DENND1B: variants seen among roughly 807,000 people sequenced by gnomAD.
DENND1B encodes the protein DENN domain-containing protein 1B.
In DENND1B, 59 loss-of-function variants were observed where a neutral mutation model predicts 90.1. The ratio of observed to expected loss-of-function variants is 0.65; its 90% confidence interval spans 0.53 to 0.81. DENND1B has a LOEUF of 0.81. DENND1B is among the 40% of genes least tolerant of loss of function. DENND1B has a pLI of 0.00. For synonymous variants in DENND1B, 337 were observed against 324.6 expected, an observed-to-expected ratio of 1.04 and a Z score of -0.41; for missense variants, 862 against 912.6, an observed-to-expected ratio of 0.94 and a Z score of 0.71.
intron 10 of DENND1B, among the ~76,000 whole-genome samples, chr1:197,640,153 T>C (rs1680144548): frequency 6.6e-6 from 1 of 152,210 alleles, no homozygotes; most frequent in Admixed American, 6.5e-5. Flanking sequence ...ATTTTTACTC[T>C]AACTGCAGAT....
intron 12 of DENND1B, among the ~76,000 whole-genome samples, chr1:197,611,029 A>AT (rs1409664555): frequency 3.3e-5 from 5 of 150,782 alleles, no homozygotes; most frequent in Admixed American, 2.0e-4. Flanking sequence ...GTTTTAAAAT[A>AT]TATCAACAGA....
intron 2 of DENND1B, among the ~76,000 whole-genome samples, chr1:197,753,278 T>C (rs1316633721): frequency 6.6e-6 from 1 of 152,002 alleles, no homozygotes; most frequent in Non-Finnish European, 1.5e-5. Flanking sequence ...CCAACTTTTC[T>C]AATTAATCGA....
At chr1:197,734,230 T>C (rs1662421442) in intron 2 of DENND1B, 1 of 896,380 alleles carries the variant, frequency 1.1e-6, no homozygotes, top group Non-Finnish European at 1.3e-6. Flanking sequence ...GAAAAGAGTA[T>C]ATAAACCAAA....
At chr1:197,636,181 T>C (rs768767205) in intron 10 of DENND1B, among the ~76,000 whole-genome samples, 1 of 151,960 alleles carries the variant, frequency 6.6e-6, no homozygotes, top group Non-Finnish European at 1.5e-5. Flanking sequence ...AGGATGAATC[T>C]AAAAGATGAG....
intron 2 of DENND1B, among the ~76,000 whole-genome samples, chr1:197,719,830 T>C (rs750347670): frequency 1.3e-5 from 2 of 152,190 alleles, no homozygotes; most frequent in Non-Finnish European, 2.9e-5. Context: ...TTATATATTA[T>C]ACCAAATGAT....
chr1:197,677,963 A>G (rs1656264375), intron 3 of DENND1B, among the ~76,000 whole-genome samples: 1 of 152,188 alleles, frequency 6.6e-6, no homozygotes, highest in Non-Finnish European at 1.5e-5. Context: ...TCATGAAGAT[A>G]CAGCAGTGTT....
At chr1:197,672,208 C>A in intron 4 of DENND1B, 52 bp from the exon 5 acceptor site, 3 of 1,526,936 alleles carry the variant, frequency 2.0e-6, no homozygotes, top group Admixed American at 2.2e-5. Context: ...CAATTTTCTT[C>A]AAGAAAAACA....
chr1:197,607,037 CAT>C (rs771012272), intron 13 of DENND1B, 34 bp downstream of exon 13: 29 of 1,471,592 alleles, frequency 2.0e-5, no homozygotes, highest in African/African-American at 8.4e-5. Flanking sequence ...CAGGAGAAAA[CAT>C]ATATGTTCAC....
intron 10 of DENND1B, among the ~76,000 whole-genome samples, chr1:197,621,061 T>C (rs1678113415): frequency 6.6e-6 from 1 of 151,182 alleles, no homozygotes; most frequent in African/African-American, 2.4e-5. Context: ...GGTGAGAACA[T>C]GCTTGGCATC....
chr1:197,529,324 G>A (rs973956712), intron 20 of DENND1B, among the ~76,000 whole-genome samples: 5 of 147,556 alleles, frequency 3.4e-5, no homozygotes, highest in Admixed American at 2.0e-4. Flanking sequence ...ATATATGTGT[G>A]TATATATATG....
intron 10 of DENND1B, among the ~76,000 whole-genome samples, chr1:197,624,227 G>A (rs538002421): frequency 6.6e-6 from 1 of 151,766 alleles, no homozygotes; most frequent in South Asian, 2.1e-4. Context: ...CATACAATTA[G>A]ATCAATGAAA....
chr1:197,545,183 T>C (rs898478684), intron 18 of DENND1B, among the ~76,000 whole-genome samples: 3 of 151,954 alleles, frequency 2.0e-5, no homozygotes, highest in African/African-American at 7.3e-5. Context: ...GGCGGGCAGA[T>C]CACTTGAGGT....
At chr1:197,663,680 G>C (rs1276978748) in intron 5 of DENND1B, among the ~76,000 whole-genome samples, 2 of 152,186 alleles carry the variant, frequency 1.3e-5, no homozygotes, top group East Asian at 3.9e-4. Flanking sequence ...CTAGGGCTGA[G>C]TTGTGGCTTC....
chr1:197,780,946 C>T, the DENND1B span, among the ~76,000 whole-genome samples: 43 of 152,058 alleles, frequency 2.8e-4, no homozygotes, highest in African/African-American at 9.9e-4. Flanking sequence ...CCCTGATTTC[C>T]AGTGTACTAT....
chr1:197,682,191 G>GC (rs1656760580), intron 3 of DENND1B, among the ~76,000 whole-genome samples: 1 of 151,696 alleles, frequency 6.6e-6, no homozygotes, highest in South Asian at 2.1e-4. Flanking sequence ...TTATATTCTG[G>GC]CGTCAGTGGC....
At chr1:197,569,936 G>A (rs539187184) in intron 15 of DENND1B, among the ~76,000 whole-genome samples, 48 of 151,830 alleles carry the variant, frequency 3.2e-4, no homozygotes, top group South Asian at 8.3e-4. Flanking sequence ...AAACGTTCTC[G>A]CCACAAAAAA....
chr1:197,704,587 C>T (rs1234005554), intron 3 of DENND1B, among the ~76,000 whole-genome samples: 1 of 152,080 alleles, frequency 6.6e-6, no homozygotes, highest in Non-Finnish European at 1.5e-5. Context: ...ATCAAAGCTC[C>T]TGAAATGCCA....
chr1:197,515,568 C>T (rs1236217370), intron 20 of DENND1B, among the ~76,000 whole-genome samples: 3 of 151,690 alleles, frequency 2.0e-5, no homozygotes, highest in Non-Finnish European at 3.0e-5. Flanking sequence ...CAAACTGAAA[C>T]AAAGTCTATG....
intron 10 of DENND1B, among the ~76,000 whole-genome samples, chr1:197,621,185 G>A (rs1254435922): frequency 6.6e-6 from 1 of 151,268 alleles, no homozygotes; most frequent in Non-Finnish European, 1.5e-5. Flanking sequence ...CTAGGACACG[G>A]CAAAGACTCT....
Sources: gnomAD v4.1 joint callset for allele counts (sites outside exome capture counted in the v4.1 genomes callset) on GRCh38, gnomAD v4.1.1 for gene constraint, MANE v1.5 for transcripts, NCBI Gene and HGNC (gene_info 2026-07-23, HGNC 2026-07-21) for gene names.